Variants in CTR9 observed in about 807,000 individuals in gnomAD.
CTR9 encodes RNA polymerase-associated protein CTR9 homolog.
Under a neutral mutation model 152.1 loss-of-function variants are expected in CTR9, and 41 were observed. The ratio of observed to expected loss-of-function variants is 0.27; its 90% CI spans 0.21 to 0.35. CTR9 has a LOEUF of 0.35. Ranked by LOEUF, CTR9 falls within the 10% of genes least tolerant of loss-of-function variation. The pLI is 1.00. For synonymous variants in CTR9, 476 were observed against 496.2 expected, an observed-to-expected ratio of 0.96 and a Z score of 0.54; for missense variants, 917 against 1,424.4, an observed-to-expected ratio of 0.64 and a Z score of 5.73.
chr11:10,765,939 T>C (rs758534073), intron 12 of CTR9, among the ~76,000 whole-genome samples: 4 of 152,056 alleles, frequency 2.6e-5, no homozygotes, highest in Non-Finnish European at 5.9e-5. Context: ...CAACTTACAT[T>C]TGTGTAGCAC....
At position 10,760,269 on chromosome 11, in the gene CTR9, A is replaced by C. The variant is rs1445407480; in HGVS notation, c.689A>C (p.Lys230Thr). 5 of 1,614,006 alleles carry C rather than the reference A, an allele frequency of 3.1e-6. No individual in the cohort carries two copies. The highest frequency in any genetic ancestry group is 4.2e-6 in the Non-Finnish European group (5 of 1,179,982). Residue 230 changes from lysine to threonine, a missense_variant, in exon 6 of 25, where the codon AAA becomes ACA. Physicochemically the swap from Lys to Thr is moderately conservative, Grantham distance 78 (BLOSUM62 -1). This residue lies in a region of CTR9 where 110 missense variants were observed against 149.5 expected (regional missense o/e 0.74). Transcript: ENST00000361367. ...AFSRALELNS[K>T]CVGALVGLAV... is the part of the protein sequence containing the mutation. ...AGCAGAGCCCTGGAACTCAATTCCAAATGCGTGGGAGCATTGGTTGGACTG... is the reference window on the plus strand; with the variant it reads ...AGCAGAGCCCTGGAACTCAATTCCACATGCGTGGGAGCATTGGTTGGACTG...
chr11:10,771,285 T>C (rs1431177303), intron 18 of CTR9, among the ~76,000 whole-genome samples: 3 of 152,226 alleles, frequency 2.0e-5, no homozygotes, highest in Non-Finnish European at 4.4e-5. Context: ...TCCTGACATA[T>C]TTAGTAAATT....
rs1482917134 is a variant in CTR9 at position 10,755,098 on chromosome 11, A to T, written c.285A>T (p.Gln95His). ...CLDTLAAYYV[Q>H]QARKEKNKDN... ...ATACATTGGCAGCGTATTATGTACAACAGGCTCGGAAAGAAAAGAATAAGG... is the reference window on the plus strand; with the variant it reads ...ATACATTGGCAGCGTATTATGTACATCAGGCTCGGAAAGAAAAGAATAAGG... The change falls in exon 3 of 25, where the codon CAA (glutamine) becomes CAT (histidine). Residue 95 changes from glutamine (Q) to histidine (H), a missense_variant. Transcript: ENST00000361367. The T allele has an allele frequency of 3.1e-6, 5 of 1,613,992 alleles. No homozygotes were observed. The highest frequency in any genetic ancestry group is 4.2e-6 in the Non-Finnish European group (5 of 1,179,996).
In CTR9 at chr11:10,764,551, T is replaced by C; in HGVS notation, c.1417T>C (p.Tyr473His). 1 of 1,604,402 alleles carries C rather than the reference T, an allele frequency of 6.2e-7. No homozygotes were observed. ...GTGTGATTTTTCTTTCTCATAGAAATATTTTTTGGCGTCATTGGACCGTGC... is the reference window on the plus strand; with the variant it reads ...GTGTGATTTTTCTTTCTCATAGAAACATTTTTTGGCGTCATTGGACCGTGC... ...RLGNLGEAKK[Y>H]FLASLDRAKA... is the part of the protein sequence containing the mutation. The change falls in exon 12 of 25, where the codon TAT becomes CAT. Residue 473 changes from tyrosine to histidine, a missense_variant. Tyr to His is a moderately conservative substitution (Grantham distance 83). Coordinates refer to ENST00000361367, the MANE Select transcript of CTR9 (RefSeq NM_014633.5).
In CTR9 at chr11:10,751,362, A is replaced by G. The variant is rs755665390; in HGVS notation, c.-51A>G. The stretch of plus-strand genomic sequence containing the variant: ...TCTGGATTAGCCTGAAGCGGAGACT[A>G]CCGGCTGCGGAGCGGCGGGGCGAGA... On this transcript the variant is annotated 5_prime_UTR_variant, in exon 1 of 25. Coordinates refer to ENST00000361367, the MANE Select transcript of CTR9 (RefSeq NM_014633.5). 3.1e-6 allele frequency: 5 copies of G among 1,600,138 alleles called. No individual in the cohort carries two copies. Among genetic ancestry groups the G allele is most frequent in the East Asian group, 4.5e-5 (2 of 44,824 alleles).
At chr11:10,751,559 C>G in intron 1 of CTR9, 102 bp downstream of exon 1, 1 of 1,129,700 alleles carries the variant, frequency 8.9e-7, no homozygotes, top group Admixed American at 1.9e-5. Context: ...TCCTCCTTCC[C>G]TAAGAGCCCT....
Position 10,752,888 on chromosome 11 carries a change from T to A in CTR9, c.144+118T>A, listed in dbSNP as rs770281838. The stretch of plus-strand genomic sequence containing the variant: ...TGGTAGATTAGTTATACCATGTGTA[T>A]GGAAGTTAATTGTGTTAATAATTTA... On this transcript the variant is annotated intron_variant, in intron 2 of 24. Transcript: ENST00000361367. The A allele has an allele frequency of 2.7e-6, 2 of 740,990 alleles. No individual in the cohort carries two copies. Among genetic ancestry groups the A allele is most frequent in the Non-Finnish European group, 4.6e-6 (2 of 433,866 alleles). 45.9% of individuals were successfully genotyped at this position (740,990 alleles called of 1,614,324 possible).
chr11:10,751,387 A>T lies in CTR9; in HGVS notation c.-26A>T. 6.2e-7 allele frequency: 1 copy of T among 1,607,234 alleles called. No homozygotes were observed. The highest frequency in any genetic ancestry group is 8.5e-7 in the Non-Finnish European group (1 of 1,178,576). On this transcript the variant is annotated 5_prime_UTR_variant, in exon 1 of 25. Transcript: ENST00000361367. ...ACCGGCTGCGGAGCGGCGGGGCGAG[A>T]CACTTGCTCGCCTTTTGACCCCATC...
intron 5 of CTR9, among the ~76,000 whole-genome samples, chr11:10,758,939 C>G (rs1433295840): frequency 3.3e-5 from 5 of 152,180 alleles, no homozygotes; most frequent in Non-Finnish European, 7.3e-5. Context: ...ATGCTGATAT[C>G]ATTCATTTGG....
At chr11:10,753,930 TA>T (rs1862844492) in intron 2 of CTR9, among the ~76,000 whole-genome samples, 2 of 152,182 alleles carry the variant, frequency 1.3e-5, no homozygotes, top group African/African-American at 4.8e-5. Context: ...TGTCCTCATT[TA>T]AAATATAGAG....
chr11:10,772,918 T>G (rs559810036), intron 20 of CTR9, among the ~76,000 whole-genome samples: 5 of 151,914 alleles, frequency 3.3e-5, no homozygotes, highest in Admixed American at 3.3e-4. Context: ...TCCCAGCTAC[T>G]CGGGGAGCTG....
At chr11:10,757,853 T>C (rs180692835) in intron 5 of CTR9, among the ~76,000 whole-genome samples, 4 of 152,042 alleles carry the variant, frequency 2.6e-5, no homozygotes. Flanking sequence ...AGAAAAAGGG[T>C]ATGAGAAGCA....
rs988202772 is a variant in CTR9, at chr11:10,772,975, C to T, written c.2581-152C>T. On this transcript the variant is annotated intron_variant, in intron 20 of 24. Transcript: ENST00000361367. ...CTGGGAGGCCAAGGTTGTAGTGAGC[C>T]GAGATTGCACCACTGTACTCCAGTC... is the stretch of plus-strand genomic sequence containing the variant. The T allele has an allele frequency of 1.6e-4, 141 of 870,688 alleles. 1 individual carries two copies. Among genetic ancestry groups the T allele is most frequent in the Non-Finnish European group, 1.1e-4 (62 of 581,678 alleles). 53.9% of individuals were successfully genotyped at this position (870,688 alleles called of 1,614,324 possible).
rs1234594525 is a variant in CTR9 at position 10,767,077 on chromosome 11, A to G, written c.1686+587A>G. On this transcript the variant is annotated intron_variant, in intron 13 of 24. Coordinates refer to ENST00000361367, the MANE Select transcript of CTR9 (RefSeq NM_014633.5). This position sits in a 1 kb window ranked among gnomAD's most constrained non-coding sequence, Gnocchi z 4.0. ...TTTACTATGCAGATAACTAAAGACT[A>G]ACTAAATGGATTTTACAACTTACTA... The G allele has an allele frequency of 6.5e-6, 1 of 152,672 alleles. No homozygotes were observed. Among genetic ancestry groups the G allele is most frequent in the Non-Finnish European group, 1.5e-5 (1 of 68,190 alleles). 9.5% of individuals were successfully genotyped at this position (152,672 alleles called of 1,614,324 possible).
In CTR9 at chr11:10,766,500, A is replaced by G. The variant is rs758620798; in HGVS notation, c.1686+10A>G. 3 of 1,551,934 alleles carry G rather than the reference A, an allele frequency of 1.9e-6. No homozygotes were observed. In the South Asian group the frequency reaches 3.6e-5, roughly 19 times the overall value. On this transcript the variant is annotated intron_variant, in intron 13 of 24. Coordinates refer to ENST00000361367, the MANE Select transcript of CTR9 (RefSeq NM_014633.5). Reference sequence around the variant, plus strand: ...TCTTCAGATTAATCAGGTTGGTAATATTAACTCTTAGGTTTGAGAAATAAT... The same window carrying G: ...TCTTCAGATTAATCAGGTTGGTAATGTTAACTCTTAGGTTTGAGAAATAAT...
At chr11:10,761,334 G>T (rs1339020134) in intron 6 of CTR9, among the ~76,000 whole-genome samples, 1 of 151,114 alleles carries the variant, frequency 6.6e-6, no homozygotes, top group African/African-American at 2.4e-5. Context: ...AAACTCAAAA[G>T]ATTTTCACAG....
chr11:10,768,826 A>G (rs189357446), intron 16 of CTR9, among the ~76,000 whole-genome samples: 1 of 152,390 alleles, frequency 6.6e-6, no homozygotes, highest in East Asian at 1.9e-4. Flanking sequence ...CTAGCATATT[A>G]GTAATACCCA....
At chr11:10,768,563 G>T (rs1233553599) in intron 16 of CTR9, 72 bp downstream of exon 16, 3 of 1,462,000 alleles carry the variant, frequency 2.1e-6, no homozygotes, top group East Asian at 2.3e-5. Context: ...AGCCATTCTG[G>T]CCCTGTCATG....
intron 5 of CTR9, among the ~76,000 whole-genome samples, chr11:10,758,346 A>G (rs1471013137): frequency 6.6e-6 from 1 of 152,152 alleles, no homozygotes; most frequent in African/African-American, 2.4e-5. Context: ...ATCTGCAGAC[A>G]GGCAGGTCAG....
Sources: gnomAD v4.1 joint callset for allele counts (sites outside exome capture counted in the v4.1 genomes callset) on GRCh38, gnomAD v4.1.1 for gene constraint, gnomAD v4.1.1 regional missense constraint, Gnocchi (gnomAD v3.1) non-coding constraint, MANE v1.5 for transcripts, NCBI Gene and HGNC (gene_info 2026-07-23, HGNC 2026-07-21) for gene names.